CFTR: variants seen among roughly 807,000 people sequenced by gnomAD.
CFTR encodes CF transmembrane conductance regulator, also known as cystic fibrosis transmembrane conductance regulator.
CFTR carries 181 observed loss-of-function variants against 171.6 expected under a neutral mutation model. The observed-to-expected ratio is 1.05, with a 90% CI of 0.93 to 1.19. The LOEUF is 1.19. Ranked by LOEUF, CFTR falls within the 50% of genes most tolerant of loss-of-function variation. The pLI is 0.00. For missense variants in CFTR, 1,968 were observed against 1,734.7 expected, an observed-to-expected ratio of 1.13 and a Z score of -2.39; for synonymous variants, 583 against 608.0, an observed-to-expected ratio of 0.96 and a Z score of 0.60.
chr7:117,647,934 A>G (rs190324533), intron 23 of CFTR, among the ~76,000 whole-genome samples: 1 of 151,356 alleles, frequency 6.6e-6, no homozygotes, highest in East Asian at 1.9e-4. Flanking sequence ...GACATTGTCA[A>G]AAAGGGACGT....
At chr7:117,516,734 CA>C (rs1253512568) in intron 3 of CFTR, among the ~76,000 whole-genome samples, 1 of 152,024 alleles carries the variant, frequency 6.6e-6, no homozygotes, top group Non-Finnish European at 1.5e-5. Flanking sequence ...TTCATATAGG[CA>C]TGCAATGTGA....
chr7:117,642,736 T>C, intron 23 of CFTR, 143 bp downstream of exon 23: 1 of 868,498 alleles, frequency 1.2e-6, no homozygotes, highest in Non-Finnish European at 1.8e-6. Flanking sequence ...TGCAGTTTTC[T>C]CATAGGCAGA....
At chr7:117,553,409 G>A (rs1336117848) in intron 10 of CFTR, among the ~76,000 whole-genome samples, 1 of 152,082 alleles carries the variant, frequency 6.6e-6, no homozygotes, top group Non-Finnish European at 1.5e-5. Flanking sequence ...TAGCACATCT[G>A]CAATTGTATC....
chr7:117,548,845 A>G, intron 10 of CFTR, 22 bp downstream of exon 10: 1 of 1,598,698 alleles, frequency 6.3e-7, no homozygotes, highest in Non-Finnish European at 8.5e-7. Flanking sequence ...GTTCTTCACT[A>G]TTAAGAACTT....
At chr7:117,579,744 G>C (rs1429561) in intron 11 of CFTR, among the ~76,000 whole-genome samples, 2,293 of 148,862 alleles carry the variant, frequency 0.015, 24 homozygotes, top group Admixed American at 0.023. Flanking sequence ...TGGATCAGAG[G>C]AACCAAACAG....
intron 24 of CFTR, among the ~76,000 whole-genome samples, chr7:117,660,918 A>G (rs1420522001): frequency 6.6e-6 from 1 of 151,966 alleles, no homozygotes; most frequent in Non-Finnish European, 1.5e-5. Context: ...CTCATCTTTG[A>G]ATCTGGGGTC....
chr7:117,596,263 C>G (rs946640370), intron 15 of CFTR, among the ~76,000 whole-genome samples: 6 of 152,248 alleles, frequency 3.9e-5, no homozygotes, highest in Admixed American at 6.5e-5. Context: ...CCCGCGAGCC[C>G]CAGGCAGTGA....
chr7:117,560,314 G>A (rs1799440914), intron 11 of CFTR, among the ~76,000 whole-genome samples: 1 of 152,066 alleles, frequency 6.6e-6, no homozygotes, highest in African/African-American at 2.4e-5. Context: ...TGGATCTTGT[G>A]CTGTTCACTA....
At chr7:117,505,870 G>C (rs1239272224) in intron 2 of CFTR, among the ~76,000 whole-genome samples, 1 of 152,016 alleles carries the variant, frequency 6.6e-6, no homozygotes, top group Non-Finnish European at 1.5e-5. Context: ...TATTTTTATT[G>C]ATTTTATTCA....
In CFTR at chr7:117,509,084, C is replaced by G; in HGVS notation, c.215C>G (p.Ala72Gly). The change falls in exon 3 of 27, where the codon GCC becomes GGC. Residue 72 changes from alanine to glycine, a missense_variant. Ala to Gly is a moderately conservative substitution (Grantham distance 60, BLOSUM62 0). Coordinates refer to ENST00000003084, the MANE Select transcript of CFTR (RefSeq NM_000492.4). ...AAGAAAAATCCTAAACTCATTAATG[C>G]CCTTCGGCGATGTTTTTTCTGGAGA... ...ASKKNPKLINALRRCFFWRFM... is the reference protein window; with the variant it reads ...ASKKNPKLINGLRRCFFWRFM... The G allele has an allele frequency of 6.2e-7, 1 of 1,613,018 alleles. No individual in the cohort carries two copies. Among genetic ancestry groups the G allele is most frequent in the Non-Finnish European group, 8.5e-7 (1 of 1,179,292 alleles).
At chr7:117,651,986 T>C (rs1793096115) in intron 23 of CFTR, among the ~76,000 whole-genome samples, 1 of 152,170 alleles carries the variant, frequency 6.6e-6, no homozygotes, top group Non-Finnish European at 1.5e-5. Context: ...AAAAAAATAT[T>C]CTAAATGTTA....
At chr7:117,522,136 T>G (rs1172008499) in intron 3 of CFTR, among the ~76,000 whole-genome samples, 1 of 152,176 alleles carries the variant, frequency 6.6e-6, no homozygotes, top group East Asian at 1.9e-4. Flanking sequence ...ACTTGAGCTG[T>G]TTTCTAATCT....
Position 117,614,686 on chromosome 7 carries a change from A to G in CFTR, c.3441A>G (p.Val1147=), listed in dbSNP as rs375687401. 6.2e-7 allele frequency: 1 copy of G among 1,611,862 alleles called. No homozygotes were observed. Among genetic ancestry groups the G allele is most frequent in the Admixed American group, 1.7e-5 (1 of 59,932 alleles). Residue 1147 remains valine (V), a synonymous_variant, in exon 21 of 27, where the codon GTA becomes GTG. Transcript: ENST00000003084. Reference sequence around the variant, plus strand: ...TCATGAGTACATTGCAGTGGGCTGTAAACTCCAGCATAGATGTGGATAGCT... The same window carrying G: ...TCATGAGTACATTGCAGTGGGCTGTGAACTCCAGCATAGATGTGGATAGCT... ...MNIMSTLQWA[V]NSSIDVDSLM...
At chr7:117,569,583 A>G (rs185082051) in intron 11 of CFTR, among the ~76,000 whole-genome samples, 42 of 152,328 alleles carry the variant, frequency 2.8e-4, no homozygotes, top group Non-Finnish European at 5.1e-4. Context: ...AACAATGGGC[A>G]TGACTAAATA....
rs1442835659 is a variant in CFTR at position 117,667,768 on chromosome 7, T to G, written c.*660T>G. ...ATCCTGGAAATCAGGGTTAGTATTG[T>G]CCAGGTCTACCAAAAATCTCAATAT... On this transcript the variant is annotated 3_prime_UTR_variant, in exon 27 of 27. Transcript: ENST00000003084. The G allele has an allele frequency of 6.3e-6, 1 of 159,072 alleles. No individual in the cohort carries two copies. The highest frequency in any genetic ancestry group is 1.4e-5 in the Non-Finnish European group (1 of 71,902). The allele number at this position is 159,072 out of a possible 1,614,324, so 9.9% of individuals were successfully genotyped here.
rs190671810 is a variant in CFTR at position 117,635,448 on chromosome 7, A to T, written c.3718-6990A>T. ...TGGACTATTGATATTTTAAGTGATTATTGATATAGTTAGATAAACATCTAC... is the reference window on the plus strand; with the variant it reads ...TGGACTATTGATATTTTAAGTGATTTTTGATATAGTTAGATAAACATCTAC... On this transcript the variant is annotated intron_variant, in intron 22 of 26. Coordinates refer to ENST00000003084, the MANE Select transcript of CFTR (RefSeq NM_000492.4). Among the ~76,000 whole-genome samples, 19 of 152,186 alleles carry T rather than the reference A, an allele frequency of 1.2e-4. No homozygotes were observed. The East Asian group carries it at 3.7e-3, about 29-fold the overall frequency.
intron 7 of CFTR, among the ~76,000 whole-genome samples, chr7:117,537,473 T>C (rs1798976778): frequency 6.6e-6 from 1 of 152,212 alleles, no homozygotes; most frequent in Non-Finnish European, 1.5e-5. Context: ...TGAAAGTTGA[T>C]ACACTGTTCA....
chr7:117,630,523 A>G (rs763776620), intron 22 of CFTR, among the ~76,000 whole-genome samples: 59 of 152,214 alleles, frequency 3.9e-4, no homozygotes, highest in Non-Finnish European at 7.3e-4. Flanking sequence ...TGAGTAGAGC[A>G]GGATTTTATT....
intron 1 of CFTR, among the ~76,000 whole-genome samples, chr7:117,500,278 CTTTTTT>C (rs745627454): frequency 1.3e-5 from 1 of 76,488 alleles, no homozygotes; most frequent in African/African-American, 5.1e-5. Context: ...TTCTTCCTTT[CTTTTTT>C]TTTTTTTTTT....
Sources: gnomAD v4.1 joint callset for allele counts (sites outside exome capture counted in the v4.1 genomes callset) on GRCh38, gnomAD v4.1.1 for gene constraint, MANE v1.5 for transcripts, NCBI Gene and HGNC (gene_info 2026-07-23, HGNC 2026-07-21) for gene names.